Variants in MCTP2 observed in about 807,000 individuals in gnomAD.
MCTP2 encodes the protein multiple C2 and transmembrane domain-containing protein 2.
Under a neutral mutation model 111.6 loss-of-function variants are expected in MCTP2, and 132 were observed. The observed-to-expected ratio is 1.18, with a 90% CI of 1.03 to 1.37. MCTP2 has a LOEUF of 1.37. MCTP2 is among the 40% of genes most tolerant of loss of function. The pLI is 0.00. For missense variants in MCTP2, 1,183 were observed against 1,067.9 expected (o/e 1.11, Z -1.50); for synonymous variants, 395 against 387.7 (o/e 1.02, Z -0.22).
chr15:94,238,373 TATC>T (rs2070710472), intron 1 of MCTP2, among the ~76,000 whole-genome samples: 1 of 152,172 alleles, frequency 6.6e-6, no homozygotes, highest in Non-Finnish European at 1.5e-5. Flanking sequence ...AAATGAATCA[TATC>T]ATTTTGTATA....
chr15:94,440,413 C>A, intron 18 of MCTP2, 115 bp downstream of exon 18: 1 of 1,310,102 alleles, frequency 7.6e-7, no homozygotes, highest in Non-Finnish European at 1.1e-6. Context: ...TAAGGAGCAG[C>A]CCTGCAAAGG....
At chr15:94,333,911 G>A (rs540926415) in intron 4 of MCTP2, among the ~76,000 whole-genome samples, 4 of 152,076 alleles carry the variant, frequency 2.6e-5, no homozygotes, top group Non-Finnish European at 5.9e-5. Context: ...GAATCCCTGC[G>A]AGAAGTAAGT....
At chr15:94,340,684 G>T (rs2077589260) in intron 6 of MCTP2, 129 bp from the exon 7 acceptor site, 4 of 570,312 alleles carry the variant, frequency 7.0e-6, no homozygotes, top group Non-Finnish European at 1.2e-5. Context: ...ACTAAATTTT[G>T]TGCTTTCTTA....
At chr15:94,436,994 A>G (rs1237624882) in intron 17 of MCTP2, among the ~76,000 whole-genome samples, 1 of 151,282 alleles carries the variant, frequency 6.6e-6, no homozygotes, top group African/African-American at 2.4e-5. Context: ...AAAAAGAAAC[A>G]TTTGAAAAGA....
chr15:94,344,087 A>G (rs942995787), intron 7 of MCTP2: 7 of 151,886 alleles, frequency 4.6e-5, no homozygotes, highest in Middle Eastern at 3.2e-3. Context: ...CAAAACCCTG[A>G]TATTAATATC....
chr15:94,436,713 C>T (rs67358939), intron 17 of MCTP2, among the ~76,000 whole-genome samples: 29,667 of 151,952 alleles, frequency 0.2, 3,171 homozygotes, highest in East Asian at 0.41. Context: ...AGAAAATAAA[C>T]ATGATGTGTC....
At chr15:94,458,538 A>C (rs1474277624) in intron 20 of MCTP2, among the ~76,000 whole-genome samples, 2 of 152,192 alleles carry the variant, frequency 1.3e-5, no homozygotes, top group Non-Finnish European at 2.9e-5. Context: ...CAAATGATAG[A>C]TATTTAAAAT....
chr15:94,354,001 GTTATT>G (rs2078461894), intron 8 of MCTP2, among the ~76,000 whole-genome samples: 1 of 141,584 alleles, frequency 7.1e-6, no homozygotes, highest in Non-Finnish European at 1.5e-5. Context: ...TCTGGAATAT[GTTATT>G]TTTATATATA....
At chr15:94,390,829 A>C (rs889317557) in intron 14 of MCTP2, among the ~76,000 whole-genome samples, 1 of 148,238 alleles carries the variant, frequency 6.7e-6, no homozygotes, top group Non-Finnish European at 1.5e-5. Flanking sequence ...TCCCAGGCTC[A>C]AGCAATTCTC....
intron 14 of MCTP2, among the ~76,000 whole-genome samples, chr15:94,395,159 CAT>C (rs1323548242): frequency 1.3e-5 from 2 of 152,242 alleles, no homozygotes; most frequent in African/African-American, 4.8e-5. Flanking sequence ...TGCCCAGCCA[CAT>C]GTCTGTCCTC....
At chr15:94,325,449 T>C (rs1015860733) in intron 4 of MCTP2, among the ~76,000 whole-genome samples, 4 of 152,226 alleles carry the variant, frequency 2.6e-5, no homozygotes, top group Admixed American at 6.5e-5. Context: ...CTTTTTATCG[T>C]GGGCTTATCT....
In MCTP2 at chr15:94,345,165, G is replaced by C. The variant is rs769147908; in HGVS notation, c.1005+1G>C. The C allele has an allele frequency of 1.9e-6, 3 of 1,611,628 alleles. No homozygotes were observed. The East Asian group carries it at 6.7e-5, about 36-fold the overall frequency. ...TCGGAAGCGATTAAGTGCCAGCAAGGTAAATATACTTTTTTTTCCTTTAGA... is the reference window on the plus strand; with the variant it reads ...TCGGAAGCGATTAAGTGCCAGCAAGCTAAATATACTTTTTTTTCCTTTAGA... On this transcript the variant is annotated splice_donor_variant, in intron 8 of 22. Coordinates refer to ENST00000357742, the MANE Select transcript of MCTP2 (RefSeq NM_001385001.1). LOFTEE classifies it high-confidence loss of function.
chr15:94,402,551 C>G, intron 17 of MCTP2: 1 of 1,551,748 alleles, frequency 6.4e-7, no homozygotes, highest in Non-Finnish European at 8.7e-7. Context: ...TTGGCCCATC[C>G]TTATGAGCAT....
intron 1 of MCTP2, among the ~76,000 whole-genome samples, chr15:94,272,543 T>C (rs8034590): frequency 0.037 from 5,640 of 152,208 alleles, 355 homozygotes; most frequent in African/African-American, 0.13. Context: ...GATTTTCTTC[T>C]CCATTCTCCC....
chr15:94,341,829 C>A (rs2077656863), intron 7 of MCTP2: 1 of 152,066 alleles, frequency 6.6e-6, no homozygotes, highest in South Asian at 2.1e-4. Context: ...TAAAAAGTGG[C>A]CCTGTTGACA....
chr15:94,303,103 A>ATATATATATATAGTTTATATATATAGTT (rs1567368456), intron 2 of MCTP2, among the ~76,000 whole-genome samples: 459 of 19,976 alleles, frequency 0.023, 10 homozygotes, highest in African/African-American at 0.044. Flanking sequence ...TATATAGTTT[A>ATATATATATATAGTTTATATATATAGTT]TATATATATA....
At chr15:94,252,752 G>A (rs1206776794) in intron 1 of MCTP2, among the ~76,000 whole-genome samples, 1 of 151,898 alleles carries the variant, frequency 6.6e-6, no homozygotes, top group African/African-American at 2.4e-5. Context: ...TTCAGACCTA[G>A]GTAGGGTTAC....
chr15:94,344,061 A>G (rs1038116583), intron 7 of MCTP2: 1 of 136,982 alleles, frequency 7.3e-6, no homozygotes, highest in African/African-American at 3.1e-5. Flanking sequence ...TTTCAGGAAA[A>G]TACAAAAAAA....
At chr15:94,472,768 A>T (rs1263391821) in intron 21 of MCTP2, among the ~76,000 whole-genome samples, 1 of 152,234 alleles carries the variant, frequency 6.6e-6, no homozygotes, top group Non-Finnish European at 1.5e-5. Flanking sequence ...TCTTCTCATT[A>T]TGTAAAAACT....
Sources: gnomAD v4.1 joint callset for allele counts (sites outside exome capture counted in the v4.1 genomes callset) on GRCh38, gnomAD v4.1.1 for gene constraint, MANE v1.5 for transcripts, NCBI Gene and HGNC (gene_info 2026-07-23, HGNC 2026-07-21) for gene names.